Variants in PPP2R5C observed in about 807,000 individuals in gnomAD.
The protein encoded by PPP2R5C is serine/threonine-protein phosphatase 2A 56 kDa regulatory subunit gamma isoform.
PPP2R5C carries 7 observed loss-of-function variants against 68.9 expected under a neutral mutation model. The observed-to-expected ratio is 0.10, with a 90% CI of 0.06 to 0.19. PPP2R5C has a LOEUF of 0.19. PPP2R5C is among the 10% of genes least tolerant of loss of function. PPP2R5C has a pLI of 1.00. For missense variants in PPP2R5C, 348 were observed against 641.3 expected, an observed-to-expected ratio of 0.54 and a Z score of 4.94; for synonymous variants, 210 against 222.2, an observed-to-expected ratio of 0.95 and a Z score of 0.49.
rs999797349 is a variant in PPP2R5C, at chr14:101,911,563, T to G, written c.1254-838T>G. Reference sequence around the variant, plus strand: ...GCTTTCCCAACAGGACCTTAAAGGTTGTGTAGTACATTTTCTGGGTTGAAA... The same window carrying G: ...GCTTTCCCAACAGGACCTTAAAGGTGGTGTAGTACATTTTCTGGGTTGAAA... On this transcript the variant is annotated intron_variant, in intron 11 of 13. Coordinates refer to ENST00000334743, the Ensembl canonical transcript of PPP2R5C. 5.9e-5 allele frequency among the ~76,000 whole-genome samples: 9 copies of G among 152,216 alleles called. No individual in the cohort carries two copies. In the South Asian group the frequency reaches 1.5e-3, roughly 25 times the overall value.
chr14:101,771,434 A>C (rs2037147919), intron 2 of PPP2R5C, among the ~76,000 whole-genome samples: 1 of 151,726 alleles, frequency 6.6e-6, no homozygotes, highest in Admixed American at 6.6e-5. Flanking sequence ...ATATTTCCTT[A>C]ATATAAGATT....
intron 1 of PPP2R5C, among the ~76,000 whole-genome samples, chr14:101,816,425 C>A (rs1595242751): frequency 6.6e-6 from 1 of 152,126 alleles, no homozygotes; most frequent in East Asian, 1.9e-4. Context: ...ACACATAAAT[C>A]AAAAACTCTT....
At chr14:101,895,122 T>G (rs2045227869) in intron 8 of PPP2R5C, among the ~76,000 whole-genome samples, 1 of 152,182 alleles carries the variant, frequency 6.6e-6, no homozygotes. Context: ...TCTTAACATT[T>G]TATGTTTATT....
intron 5 of PPP2R5C, chr14:101,889,907 A>C: frequency 2.1e-6 from 1 of 481,772 alleles, no homozygotes; most frequent in Non-Finnish European, 4.0e-6. Context: ...GATCAAGCAG[A>C]TGGAGCACAT....
rs185676649 is a variant in PPP2R5C at position 101,810,202 on chromosome 14, T to C, written c.94+166T>C. On this transcript the variant is annotated intron_variant, in intron 1 of 13. Coordinates refer to ENST00000334743, the Ensembl canonical transcript of PPP2R5C. ...GGGTGTGTCACTGCAGTTTGGCATT[T>C]TACGAACTACTTACAGAATTTGAGG... 66 of 635,192 alleles carry C rather than the reference T, an allele frequency of 1.0e-4. No individual in the cohort carries two copies. In the African/African-American group the frequency reaches 1.1e-3, roughly 10 times the overall value. The allele number at this position is 635,192 out of a possible 1,614,324, so 39.3% of individuals were successfully genotyped here. A position where few individuals can be genotyped will look rare whatever the true frequency, so the allele number is the denominator to read the frequency against.
Position 101,883,639 on chromosome 14 carries a change from G to A in PPP2R5C, c.629+77G>A, listed in dbSNP as rs557526920. 262 of 1,534,000 alleles carry A rather than the reference G, an allele frequency of 1.7e-4. 5 individuals are homozygous for A. The South Asian group carries it at 2.7e-3, about 16-fold the overall frequency. On this transcript the variant is annotated intron_variant, in intron 5 of 13. Coordinates refer to ENST00000334743, the Ensembl canonical transcript of PPP2R5C. ...CCCCTCGATGCTCCCCTACCCCATC[G>A]TCTCCTCTGACAGGACTCAGCATGT...
chr14:101,798,131 C>T (rs1213756665), intron 3 of PPP2R5C, among the ~76,000 whole-genome samples: 1 of 151,702 alleles, frequency 6.6e-6, no homozygotes, highest in Non-Finnish European at 1.5e-5. Context: ...ATACATCATC[C>T]GTGCTCATAT....
chr14:101,791,349 G>T (rs1566841148), intron 3 of PPP2R5C, among the ~76,000 whole-genome samples: 1 of 152,058 alleles, frequency 6.6e-6, no homozygotes, highest in Non-Finnish European at 1.5e-5. Flanking sequence ...CTTCTTTGAT[G>T]AGATGTCTTT....
Position 101,888,907 on chromosome 14 carries a change from T to C in PPP2R5C, c.630-1330T>C, listed in dbSNP as rs916464582. Among the ~76,000 whole-genome samples, 9 of 152,162 alleles carry C rather than the reference T, an allele frequency of 5.9e-5. No individual in the cohort carries two copies. The highest frequency in any genetic ancestry group is 1.0e-4 in the Non-Finnish European group (7 of 68,026). ...GTGCCCGGCCAGATTTCGGCTTTTC[T>C]AAGCTGGCCTTCCAGCCTCTCCATG... On this transcript the variant is annotated intron_variant, in intron 5 of 13. Transcript: ENST00000334743. The surrounding 1 kb of genome is among the most constrained non-coding windows in gnomAD (Gnocchi z 5.6).
intron 1 of PPP2R5C, among the ~76,000 whole-genome samples, chr14:101,853,231 C>A (rs1477686918): frequency 1.3e-5 from 2 of 151,092 alleles, no homozygotes; most frequent in East Asian, 3.9e-4. Context: ...TTCATTGTTA[C>A]AGGTTTTTTT....
intron 1 of PPP2R5C, among the ~76,000 whole-genome samples, chr14:101,762,482 G>T (rs972600275): frequency 6.6e-5 from 10 of 152,048 alleles, no homozygotes; most frequent in African/African-American, 2.4e-4. Flanking sequence ...GGTGAGGGCT[G>T]CGAGCAAGGG....
At position 101,906,059 on chromosome 14, in the gene PPP2R5C, C is replaced by T. The variant is rs1330466000; in HGVS notation, c.1024-343C>T. Among the ~76,000 whole-genome samples the T allele has an allele frequency of 6.6e-6, 1 of 152,176 alleles. No homozygotes were observed. Among genetic ancestry groups the T allele is most frequent in the East Asian group, 1.9e-4 (1 of 5,204 alleles). On this transcript the variant is annotated intron_variant, in intron 9 of 13. Coordinates refer to ENST00000334743, the Ensembl canonical transcript of PPP2R5C. This position sits in a 1 kb window ranked among gnomAD's most constrained non-coding sequence, Gnocchi z 4.0. ...GAATGCTCAGCAGAACACAGCACGC[C>T]CTCTTGACCTGACAGATGGGGGAGG...
chr14:101,896,861 G>A (rs912211063), intron 8 of PPP2R5C, among the ~76,000 whole-genome samples: 3 of 152,126 alleles, frequency 2.0e-5, no homozygotes, highest in Non-Finnish European at 4.4e-5. Context: ...GTTCTTTTGT[G>A]AAGTTGTAAT....
intron 8 of PPP2R5C, among the ~76,000 whole-genome samples, chr14:101,898,040 G>A (rs952962477): frequency 2.0e-5 from 3 of 151,998 alleles, no homozygotes; most frequent in Non-Finnish European, 4.4e-5. Context: ...TGTACCTGTG[G>A]TCCCAGCTAC....
At chr14:101,826,969 C>CTTTTTTT (rs1030539072) in intron 1 of PPP2R5C, among the ~76,000 whole-genome samples, 11 of 95,864 alleles carry the variant, frequency 1.1e-4, no homozygotes, top group East Asian at 2.9e-4. Context: ...AAATGTTTAA[C>CTTTTTTT]TTTTTTTTTT....
At chr14:101,782,097 TCCCCTCCCCCCTC>T (rs2037737721) in intron 2 of PPP2R5C, among the ~76,000 whole-genome samples, 1 of 35,248 alleles carries the variant, frequency 2.8e-5, no homozygotes, top group Non-Finnish European at 5.5e-5. Flanking sequence ...CACCCTTTCT[TCCCCTCCCCCCTC>T]CCCCTCCCCC....
rs528105554 is a variant in PPP2R5C, at chr14:101,915,230, C to T, written c.1327-2601C>T. Among the ~76,000 whole-genome samples the T allele has an allele frequency of 1.3e-4, 20 of 152,176 alleles. No homozygotes were observed. The highest frequency in any genetic ancestry group is 4.3e-4 in the African/African-American group (18 of 41,508). On this transcript the variant is annotated intron_variant, in intron 12 of 13. Coordinates refer to ENST00000334743, the Ensembl canonical transcript of PPP2R5C. This position sits in a 1 kb window ranked among gnomAD's most constrained non-coding sequence, Gnocchi z 4.2. ...CAAGTATGCTGGGACTACAGGTGCA[C>T]GCCACCATGCCTGGCTAATTTTTGT...
intron 3 of PPP2R5C, among the ~76,000 whole-genome samples, chr14:101,788,266 G>C (rs765527629): frequency 6.6e-6 from 1 of 152,104 alleles, no homozygotes. Flanking sequence ...GTGCATGCTG[G>C]GTGTGTACTG....
chr14:101,920,472 C>T (rs532924929), intron 13 of PPP2R5C, among the ~76,000 whole-genome samples: 20 of 152,264 alleles, frequency 1.3e-4, no homozygotes, highest in African/African-American at 4.8e-4. Context: ...ATTCTGTCAC[C>T]GGGTTTCCTG....
Sources: gnomAD v4.1 joint callset for allele counts (sites outside exome capture counted in the v4.1 genomes callset) on GRCh38, gnomAD v4.1.1 for gene constraint, Gnocchi (gnomAD v3.1) non-coding constraint, MANE v1.5 for transcripts, NCBI Gene and HGNC (gene_info 2026-07-23, HGNC 2026-07-21) for gene names.